CCDC181: variants seen among roughly 807,000 people sequenced by gnomAD.
CCDC181 encodes the protein coiled-coil domain containing 181.
A neutral mutation model predicts 58.7 loss-of-function variants in CCDC181; 35 were observed. That is an observed-to-expected ratio of 0.60 (90% CI 0.46 to 0.79). The LOEUF (loss-of-function observed/expected upper bound fraction) is 0.79, where lower values mean the gene tolerates loss of function less well. Among genes scored for constraint, CCDC181 ranks in the 30% least tolerant of loss-of-function variants. The probability of loss-of-function intolerance (pLI) is 0.00; values close to 1 mark genes in which losing one functional copy is unlikely to be tolerated. For missense variants in CCDC181, 517 were observed against 583.9 expected (o/e 0.89, Z 1.18); for synonymous variants, 183 against 197.5 (o/e 0.93, Z 0.62).
chr1:169,421,695 T>G lies in CCDC181; in HGVS notation c.736A>C (p.Asn246His), dbSNP rs1195037410. Reference protein sequence around the residue: ...QGFLPPINNANSTENDPQQLL... With the variant: ...QGFLPPINNAHSTENDPQQLL... ...TGCTGAGGGTCATTTTCTGTACTAT[T>G]TGCATTATTAATGGGAGGCAAAAAC... Residue 246 changes from asparagine (N) to histidine (H), a missense_variant, in exon 3 of 6, where the codon AAT (asparagine) becomes CAT (histidine). Asn to His is a moderately conservative substitution (Grantham distance 68). Coordinates refer to ENST00000367806, the MANE Select transcript of CCDC181 (RefSeq NM_001300969.2). 6.2e-7 allele frequency: 1 copy of G among 1,614,078 alleles called. No individual in the cohort carries two copies. The highest frequency in any genetic ancestry group is 1.1e-5 in the South Asian group (1 of 91,084).
intron 5 of CCDC181, chr1:169,395,756 A>G (rs1378320106): frequency 6.6e-6 from 1 of 152,196 alleles, no homozygotes; most frequent in Admixed American, 6.5e-5. Flanking sequence ...CAAGTCTTAA[A>G]CCTTGTTTAA....
intron 2 of CCDC181, chr1:169,443,257 A>G (rs1278263631): frequency 6.6e-6 from 1 of 152,034 alleles, no homozygotes; most frequent in Non-Finnish European, 1.5e-5. Context: ...AATTATTTTC[A>G]TTTGTTTAGT....
upstream of CCDC181, among the ~76,000 whole-genome samples, chr1:169,429,388 A>G (rs905417382): frequency 6.6e-6 from 1 of 152,224 alleles, no homozygotes; most frequent in South Asian, 2.1e-4. Context: ...ACTGTTTTCC[A>G]TAGTGATTGT....
Position 169,419,151 on chromosome 1 carries a change from T to C in CCDC181, c.1077A>G (p.Arg359=). The change falls in exon 4 of 6, where the codon CGA becomes CGG. Residue 359 remains arginine (R), a synonymous_variant. Coordinates refer to ENST00000367806, the MANE Select transcript of CCDC181 (RefSeq NM_001300969.2). ...TTTCTTTCTCTTCTTCTATTTTTCG[T>C]CGCTCTTCCTAGTAAAAGAATATGA... ...KREKLKREEE[R]RKIEEEKEKK... 6.3e-7 allele frequency: 1 copy of C among 1,594,750 alleles called. No individual in the cohort carries two copies. The highest frequency in any genetic ancestry group is 1.7e-4 in the Middle Eastern group (1 of 5,984).
intron 4 of CCDC181, among the ~76,000 whole-genome samples, chr1:169,412,252 T>C (rs1335316288): frequency 2.0e-5 from 3 of 152,100 alleles, no homozygotes; most frequent in African/African-American, 7.2e-5. Context: ...CAGAGCCAAA[T>C]CATGAGTGAA....
In CCDC181 at chr1:169,435,761, A is replaced by T. The variant is rs1183070103; in HGVS notation, c.-23-10811T>A. On this transcript the variant is annotated intron_variant, in intron 2 of 6. Coordinates refer to the CCDC181 transcript ENST00000545005. Reference sequence around the variant, plus strand: ...CCAAAATGAAAATAATAAAATTTTTAAAATTATGTGTGGAATTCTGTAAGA... The same window carrying T: ...CCAAAATGAAAATAATAAAATTTTTTAAATTATGTGTGGAATTCTGTAAGA... 3.3e-5 allele frequency among the ~76,000 whole-genome samples: 5 copies of T among 152,208 alleles called. 1 individual carries two copies. Among genetic ancestry groups the T allele is most frequent in the Admixed American group, 2.0e-4 (3 of 15,276 alleles).
At chr1:169,443,865 T>C (rs1657298629) in intron 2 of CCDC181, among the ~76,000 whole-genome samples, 1 of 152,210 alleles carries the variant, frequency 6.6e-6, no homozygotes, top group Non-Finnish European at 1.5e-5. Flanking sequence ...TCTGTTGTTA[T>C]AAAAGTTCTT....
chr1:169,400,779 C>T (rs752554605), intron 4 of CCDC181, among the ~76,000 whole-genome samples: 2 of 152,150 alleles, frequency 1.3e-5, no homozygotes, highest in Admixed American at 6.5e-5. Context: ...TCTGCATTTC[C>T]AACTGAGGTA....
chr1:169,442,313 T>C lies in CCDC181; in HGVS notation c.-23-17363A>G, dbSNP rs559150504. Reference sequence around the variant, plus strand: ...TATATCAGCAAACTAATATATTCCTTAGGAGTCAATTACTTCAACCACCTA... The same window carrying C: ...TATATCAGCAAACTAATATATTCCTCAGGAGTCAATTACTTCAACCACCTA... On this transcript the variant is annotated intron_variant, in intron 2 of 6. Transcript: ENST00000545005. 5.3e-5 allele frequency among the ~76,000 whole-genome samples: 8 copies of C among 152,170 alleles called. No homozygotes were observed. In the South Asian group the frequency reaches 1.0e-3, roughly 20 times the overall value.
intron 4 of CCDC181, among the ~76,000 whole-genome samples, chr1:169,401,757 A>C (rs983671503): frequency 1.8e-4 from 28 of 152,224 alleles, no homozygotes; most frequent in African/African-American, 6.5e-4. Context: ...CTCCAAAGGA[A>C]TGCAGCTCTT....
chr1:169,451,470 A>T (rs1392979232), intron 2 of CCDC181, among the ~76,000 whole-genome samples: 1 of 152,166 alleles, frequency 6.6e-6, no homozygotes, highest in African/African-American at 2.4e-5. Flanking sequence ...ATGTAAAATC[A>T]CAACTACTTT....
intron 4 of CCDC181, among the ~76,000 whole-genome samples, chr1:169,416,628 C>T (rs12119443): frequency 0.27 from 40,342 of 151,964 alleles, 6,719 homozygotes; most frequent in Non-Finnish European, 0.38. Context: ...TTTGCTATAT[C>T]TTTCAAGATA....
At chr1:169,407,247 T>C (rs1176984848) in intron 4 of CCDC181, among the ~76,000 whole-genome samples, 1 of 152,068 alleles carries the variant, frequency 6.6e-6, no homozygotes, top group Non-Finnish European at 1.5e-5. Context: ...AGGAAAAAGA[T>C]TTATTATATA....
At chr1:169,420,459 A>G (rs1656405799) in intron 3 of CCDC181, among the ~76,000 whole-genome samples, 1 of 150,326 alleles carries the variant, frequency 6.7e-6, no homozygotes, top group Non-Finnish European at 1.5e-5. Context: ...TTCCCTGATA[A>G]TTTCCCATAT....
chr1:169,446,096 G>T (rs534341101), intron 2 of CCDC181, among the ~76,000 whole-genome samples: 1 of 152,068 alleles, frequency 6.6e-6, no homozygotes, highest in African/African-American at 2.4e-5. Flanking sequence ...TATCAATTTC[G>T]TTGATTTCTC....
intron 1 of CCDC181, among the ~76,000 whole-genome samples, chr1:169,426,716 T>C (rs1295932705): frequency 1.3e-5 from 2 of 152,218 alleles, no homozygotes; most frequent in East Asian, 1.9e-4. Flanking sequence ...GAATGCCTTT[T>C]AATATAAAGT....
intron 5 of CCDC181, 132 bp downstream of exon 5, chr1:169,397,105 T>C (rs542863546): frequency 3.4e-6 from 2 of 580,714 alleles, no homozygotes; most frequent in East Asian, 6.7e-5. Flanking sequence ...AGCATGAATT[T>C]AAAATTGAAT....
At chr1:169,458,968 T>TA (rs1657756654) in intron 2 of CCDC181, among the ~76,000 whole-genome samples, 1 of 152,096 alleles carries the variant, frequency 6.6e-6, no homozygotes. Flanking sequence ...TGTAAGAGGA[T>TA]AAAAATCATG....
intron 4 of CCDC181, among the ~76,000 whole-genome samples, chr1:169,408,528 C>T (rs1291999362): frequency 6.6e-6 from 1 of 152,232 alleles, no homozygotes; most frequent in Non-Finnish European, 1.5e-5. Context: ...GATTTCCCAG[C>T]ACAGTGCTTG....
Sources: allele counts gnomAD v4.1 joint callset (sites outside exome capture counted in the v4.1 genomes callset), GRCh38; gene constraint gnomAD v4.1.1; transcripts MANE v1.5; gene names NCBI Gene and HGNC (gene_info 2026-07-23, HGNC 2026-07-21).